Variants in MICAL3 observed in about 807,000 individuals in gnomAD.
MICAL3 encodes the protein [F-actin]-monooxygenase MICAL3.
Under a neutral mutation model 207.4 loss-of-function variants are expected in MICAL3, and 62 were observed. That is an observed-to-expected ratio of 0.30 (90% confidence interval 0.24 to 0.37). The LOEUF (loss-of-function observed/expected upper bound fraction) is 0.37, where lower values mean the gene tolerates loss of function less well. MICAL3 is among the 10% of genes least tolerant of loss of function. The probability of loss-of-function intolerance (pLI) is 1.00; values close to 1 mark genes in which losing one functional copy is unlikely to be tolerated. For missense variants in MICAL3, 2,368 were observed against 2,635.6 expected, an observed-to-expected ratio of 0.90 and a Z score of 2.22; for synonymous variants, 1,077 against 1,069.3, an observed-to-expected ratio of 1.01 and a Z score of -0.14.
At chr22:17,865,108 T>TA in intron 18 of MICAL3, 122 bp from the exon 19 acceptor site, 1 of 708,226 alleles carries the variant, frequency 1.4e-6, no homozygotes, top group Middle Eastern at 5.4e-4. Context: ...TTTATTTATT[T>TA]ATTTATTTAT....
rs188068401 is a variant in MICAL3 at position 17,821,619 on chromosome 22, C to A, written c.3449-110G>T. On this transcript the variant is annotated intron_variant, in intron 24 of 31. Coordinates refer to ENST00000441493, the MANE Select transcript of MICAL3 (RefSeq NM_015241.3). ...GGAGGGGAGGGTAGAGGGCGAGTCG[C>A]TGAGTCGGCTCCCAGTTCTCCTGGA... The A allele has an allele frequency of 1.4e-4, 116 of 857,592 alleles. 2 individuals carry two copies. The East Asian group carries it at 3.2e-3, about 24-fold the overall frequency. The allele number at this position is 857,592 out of a possible 1,614,324, so 53.1% of individuals were successfully genotyped here. A position where few individuals can be genotyped will look rare whatever the true frequency, so the allele number is the denominator to read the frequency against.
intron 7 of MICAL3, among the ~76,000 whole-genome samples, chr22:17,897,908 G>A (rs1251694970): frequency 2.0e-5 from 3 of 152,184 alleles, no homozygotes; most frequent in Non-Finnish European, 1.5e-5. Context: ...CTGGCACACT[G>A]AGCCAAGTCT....
At position 17,827,624 on chromosome 22, in the gene MICAL3, C is replaced by T. The variant is rs778140658; in HGVS notation, c.3193+20G>A. Reference sequence around the variant, plus strand: ...GGTGGTGCTCGGGGCACACTGCGGCCTGGGGCTGGGAGTGTTTACCTCCGG... The same window carrying T: ...GGTGGTGCTCGGGGCACACTGCGGCTTGGGGCTGGGAGTGTTTACCTCCGG... On this transcript the variant is annotated intron_variant, in intron 22 of 31. Transcript: ENST00000441493. 3 of 1,546,958 alleles carry T rather than the reference C, an allele frequency of 1.9e-6. No homozygotes were observed. Among genetic ancestry groups the T allele is most frequent in the Admixed American group, 1.9e-5 (1 of 51,602 alleles).
intron 16 of MICAL3, chr22:17,879,272 G>A (rs1016318459): frequency 2.8e-5 from 37 of 1,331,596 alleles, no homozygotes; most frequent in East Asian, 2.6e-4. Context: ...ATCCCTTCCC[G>A]CTGCCCCACC....
intron 29 of MICAL3, among the ~76,000 whole-genome samples, chr22:17,797,765 C>T (rs1162816938): frequency 6.6e-6 from 1 of 152,248 alleles, no homozygotes; most frequent in Non-Finnish European, 1.5e-5. Context: ...GAAATGTTTA[C>T]TGAGCACCCC....
chr22:17,796,288 G>A lies in MICAL3; in HGVS notation c.5651-4987C>T, dbSNP rs556421951. On this transcript the variant is annotated intron_variant, in intron 29 of 31. Coordinates refer to ENST00000441493, the MANE Select transcript of MICAL3 (RefSeq NM_015241.3). This position sits in a 1 kb window ranked among gnomAD's most constrained non-coding sequence, Gnocchi z 4.4. ...CAGGGGTGGCTCTTTAGTGCCACTCGCTTGACACCTGGCGGGCAGGCAGTG... is the reference window on the plus strand; with the variant it reads ...CAGGGGTGGCTCTTTAGTGCCACTCACTTGACACCTGGCGGGCAGGCAGTG... Among the ~76,000 whole-genome samples, 8 of 152,318 alleles carry A rather than the reference G, an allele frequency of 5.3e-5. No homozygotes were observed. Among genetic ancestry groups the A allele is most frequent in the African/African-American group, 7.2e-5 (3 of 41,580 alleles).
Position 17,817,446 on chromosome 22 carries a change from G to A in MICAL3, c.5215C>T (p.Leu1739=). Residue 1739 remains leucine (L), a synonymous_variant, in exon 26 of 32, where the codon CTG becomes TTG. Transcript: ENST00000441493. ...LEEAAAKPKS[L]WKSVFSGYKK... Reference sequence around the variant, plus strand: ...TACCCGGAGAAGACGGACTTCCACAGGGACTTGGGTTTGGCGGCGGCTTCT... The same window carrying A: ...TACCCGGAGAAGACGGACTTCCACAAGGACTTGGGTTTGGCGGCGGCTTCT... The A allele has an allele frequency of 2.5e-6, 4 of 1,613,746 alleles. No homozygotes were observed. The highest frequency in any genetic ancestry group is 2.2e-5 in the South Asian group (2 of 91,078).
Position 17,906,892 on chromosome 22 carries a change from A to G in MICAL3, c.-74-6T>C. 1 of 1,345,532 alleles carries G rather than the reference A, an allele frequency of 7.4e-7. No homozygotes were observed. The highest frequency in any genetic ancestry group is 1.4e-5 in the South Asian group (1 of 69,058). The allele number at this position is 1,345,532 out of a possible 1,614,324, so 83.3% of individuals were successfully genotyped here. A position where few individuals can be genotyped will look rare whatever the true frequency, so the allele number is the denominator to read the frequency against. On this transcript the variant is annotated splice_region_variant and splice_polypyrimidine_tract_variant and intron_variant, in intron 1 of 31. Coordinates refer to ENST00000441493, the MANE Select transcript of MICAL3 (RefSeq NM_015241.3). ...CCTGACACTGTCACGTTAATCTGAC[A>G]AAAAGAAAGAAAAACGTGGTTAGCA...
intron 1 of MICAL3, among the ~76,000 whole-genome samples, chr22:17,995,269 T>C (rs1922141030): frequency 6.6e-6 from 1 of 151,306 alleles, no homozygotes; most frequent in Non-Finnish European, 1.5e-5. Context: ...CTCAAACTCC[T>C]GGCCTCAAGT....
intron 1 of MICAL3, among the ~76,000 whole-genome samples, chr22:17,930,444 G>A (rs1021526579): frequency 1.3e-5 from 2 of 152,194 alleles, no homozygotes; most frequent in African/African-American, 4.8e-5. Flanking sequence ...TGCAGTTACA[G>A]TCACACAATG....
chr22:17,872,662 G>T, intron 16 of MICAL3: 1 of 853,168 alleles, frequency 1.2e-6, no homozygotes, highest in Non-Finnish European at 2.0e-6. Context: ...CACGGGCTAT[G>T]CAAGCTATAA....
intron 19 of MICAL3, chr22:17,862,112 C>G: frequency 1.0e-6 from 1 of 985,336 alleles, no homozygotes; most frequent in Non-Finnish European, 1.2e-6. Flanking sequence ...GGGAGGATGG[C>G]TGAGTTACAC....
intron 1 of MICAL3, among the ~76,000 whole-genome samples, chr22:17,995,900 C>T (rs1213399058): frequency 6.6e-6 from 1 of 152,030 alleles, no homozygotes; most frequent in Non-Finnish European, 1.5e-5. Context: ...GTGGCTCACA[C>T]CTGTAATCCC....
At chr22:17,884,592 T>A (rs1929716457) in intron 16 of MICAL3, among the ~76,000 whole-genome samples, 1 of 152,216 alleles carries the variant, frequency 6.6e-6, no homozygotes, top group African/African-American at 2.4e-5. Context: ...ACAGAAGCTG[T>A]AATACGCATC....
rs553436529 is a variant in MICAL3, at chr22:17,841,575, G to A, written c.2801+247C>T. The A allele has an allele frequency of 1.3e-4, 74 of 572,806 alleles. 4 individuals carry two copies. In the South Asian group the frequency reaches 1.7e-3, roughly 13 times the overall value. 35.5% of individuals were successfully genotyped at this position (572,806 alleles called of 1,614,324 possible). On this transcript the variant is annotated intron_variant, in intron 20 of 31. Coordinates refer to ENST00000441493, the MANE Select transcript of MICAL3 (RefSeq NM_015241.3). The surrounding 1 kb of genome is among the most constrained non-coding windows in gnomAD (Gnocchi z 4.2). ...CACTTTCCTTCCCAATGACAGACTT[G>A]GAGCTGGGGACATGTCAGGTCCTCA... is the stretch of plus-strand genomic sequence containing the variant.
rs1376387067 is a variant in MICAL3 at position 17,841,279 on chromosome 22, G to A, written c.2801+543C>T. On this transcript the variant is annotated intron_variant, in intron 20 of 31. Transcript: ENST00000441493. The surrounding 1 kb of genome is among the most constrained non-coding windows in gnomAD (Gnocchi z 4.2). Reference sequence around the variant, plus strand: ...GGATATAGGGAGTCCTAGGGTTATAGCATGCACATCCCCAAAGGTGTCACC... The same window carrying A: ...GGATATAGGGAGTCCTAGGGTTATAACATGCACATCCCCAAAGGTGTCACC... The A allele has an allele frequency of 5.8e-6, 1 of 172,398 alleles. No individual in the cohort carries two copies. The highest frequency in any genetic ancestry group is 2.4e-5 in the African/African-American group (1 of 42,272). The allele number at this position is 172,398 out of a possible 1,614,324, so 10.7% of individuals were successfully genotyped here.
chr22:17,950,781 TGAA>T (rs1225104935), intron 1 of MICAL3, among the ~76,000 whole-genome samples: 1 of 152,192 alleles, frequency 6.6e-6, no homozygotes, highest in East Asian at 1.9e-4. Flanking sequence ...GTTGCTGATC[TGAA>T]GAAGAGTCAC....
rs892241830 is a variant in MICAL3 at position 17,790,260 on chromosome 22, G to C, written c.*472C>G. On this transcript the variant is annotated 3_prime_UTR_variant, in exon 32 of 32. Transcript: ENST00000441493. ...ACTGGACGCCCCCATCCTGGGTCTC[G>C]ATCGCACCCTGACCCCTGACCCTGC... The C allele has an allele frequency of 6.4e-6, 1 of 156,270 alleles. No homozygotes were observed. The highest frequency in any genetic ancestry group is 2.4e-5 in the African/African-American group (1 of 41,498). The allele number at this position is 156,270 out of a possible 1,614,324, so 9.7% of individuals were successfully genotyped here. A position where few individuals can be genotyped will look rare whatever the true frequency, so the allele number is the denominator to read the frequency against.
At chr22:17,877,538 T>C (rs1327017318) in intron 16 of MICAL3, among the ~76,000 whole-genome samples, 4 of 143,512 alleles carry the variant, frequency 2.8e-5, no homozygotes, top group Admixed American at 7.0e-5. Context: ...TGAGGGAGGT[T>C]ATGGAGGTGA....
Sources: gnomAD v4.1 joint callset for allele counts (sites outside exome capture counted in the v4.1 genomes callset) on GRCh38, gnomAD v4.1.1 for gene constraint, Gnocchi (gnomAD v3.1) non-coding constraint, MANE v1.5 for transcripts, NCBI Gene and HGNC (gene_info 2026-07-23, HGNC 2026-07-21) for gene names.